The following BABAM2 variants were observed in gnomAD, a reference collection of about 807,000 sequenced individuals.
BABAM2 encodes the protein BRISC and BRCA1 A complex member 2, also known as BRISC and BRCA1-A complex member 2.
BABAM2 carries 31 observed loss-of-function variants against 54.7 expected under a neutral mutation model. The observed-to-expected ratio is 0.57, with a 90% confidence interval of 0.43 to 0.77. The LOEUF is 0.77. Ranked by LOEUF, BABAM2 falls within the 30% of genes least tolerant of loss-of-function variation. The probability of loss-of-function intolerance (pLI) is 0.00; values close to 1 mark genes in which losing one functional copy is unlikely to be tolerated. For missense variants in BABAM2, 364 were observed against 455.8 expected (o/e 0.80, Z 1.83); for synonymous variants, 167 against 162.9 (o/e 1.03, Z -0.19).
chr2:27,974,320 G>A (rs1671434139), intron 3 of BABAM2, among the ~76,000 whole-genome samples: 1 of 151,930 alleles, frequency 6.6e-6, no homozygotes, highest in Non-Finnish European at 1.5e-5. Flanking sequence ...TTAGCAAATT[G>A]AATTTAGCAA....
chr2:28,300,047 T>A (rs1305426629), intron 11 of BABAM2, among the ~76,000 whole-genome samples: 1 of 152,236 alleles, frequency 6.6e-6, no homozygotes, highest in Non-Finnish European at 1.5e-5. Flanking sequence ...CAAGCAATTC[T>A]CCTGCCTCAG....
intron 3 of BABAM2, among the ~76,000 whole-genome samples, chr2:27,930,752 A>C (rs931580683): frequency 4.6e-5 from 7 of 152,104 alleles, no homozygotes; most frequent in Non-Finnish European, 1.0e-4. Context: ...AGCCCTCTAG[A>C]CTGTATCAGC....
At chr2:27,955,981 G>GTTT (rs11390343) in intron 3 of BABAM2, among the ~76,000 whole-genome samples, 1 of 149,538 alleles carries the variant, frequency 6.7e-6, no homozygotes, top group East Asian at 2.0e-4. Flanking sequence ...TTGGCAACAT[G>GTTT]TTTTTTTTTT....
chr2:28,235,241 T>G (rs762404810), intron 7 of BABAM2, among the ~76,000 whole-genome samples: 4 of 152,198 alleles, frequency 2.6e-5, no homozygotes, highest in Non-Finnish European at 5.9e-5. Context: ...AGTGTCACGA[T>G]CTCTGCTCAC....
chr2:28,007,360 C>G (rs1207594897), intron 4 of BABAM2, among the ~76,000 whole-genome samples: 1 of 151,904 alleles, frequency 6.6e-6, no homozygotes, highest in African/African-American at 2.4e-5. Context: ...ATATATCAAC[C>G]TGTGACATGT....
intron 4 of BABAM2, chr2:28,013,282 G>T: frequency 2.2e-6 from 1 of 444,904 alleles, no homozygotes; most frequent in South Asian, 1.6e-5. Context: ...GATAAATTCT[G>T]ATAAGATTCC....
chr2:27,963,848 C>T (rs1470692035), intron 3 of BABAM2, among the ~76,000 whole-genome samples: 1 of 152,180 alleles, frequency 6.6e-6, no homozygotes, highest in African/African-American at 2.4e-5. Context: ...ATATAACATA[C>T]TTGTTCAACT....
At chr2:27,974,480 A>G (rs1415963092) in intron 3 of BABAM2, among the ~76,000 whole-genome samples, 1 of 152,174 alleles carries the variant, frequency 6.6e-6, no homozygotes, top group African/African-American at 2.4e-5. Context: ...AAGTCTCCAT[A>G]TTAACAGACT....
chr2:28,072,102 C>T (rs1170167879), intron 6 of BABAM2, among the ~76,000 whole-genome samples: 1 of 151,388 alleles, frequency 6.6e-6, no homozygotes, highest in Non-Finnish European at 1.5e-5. Context: ...CTCACTATAA[C>T]CTCAAACTCT....
intron 10 of BABAM2, among the ~76,000 whole-genome samples, chr2:28,282,554 C>A (rs1276816043): frequency 6.6e-6 from 1 of 152,128 alleles, no homozygotes; most frequent in East Asian, 1.9e-4. Flanking sequence ...GAATCCTGGC[C>A]CCATCTCCTC....
intron 4 of BABAM2, among the ~76,000 whole-genome samples, chr2:27,991,076 A>G (rs934709486): frequency 6.6e-6 from 1 of 152,164 alleles, no homozygotes; most frequent in Non-Finnish European, 1.5e-5. Flanking sequence ...CTCTCATACA[A>G]TCATTGAGCT....
At chr2:27,931,410 A>G (rs1354295566) in intron 3 of BABAM2, among the ~76,000 whole-genome samples, 1 of 152,150 alleles carries the variant, frequency 6.6e-6, no homozygotes, top group Non-Finnish European at 1.5e-5. Context: ...TGATCTCCAT[A>G]TCTTTAAATA....
intron 7 of BABAM2, among the ~76,000 whole-genome samples, chr2:28,155,045 A>G (rs1240493578): frequency 1.3e-5 from 2 of 152,174 alleles, no homozygotes; most frequent in Non-Finnish European, 2.9e-5. Context: ...CTGTAAACTA[A>G]TACCTTTGCA....
At chr2:28,306,994 CCT>C (rs1688595620) in intron 11 of BABAM2, among the ~76,000 whole-genome samples, 2 of 73,136 alleles carry the variant, frequency 2.7e-5, no homozygotes, top group African/African-American at 5.0e-5. Context: ...CCACACCTGG[CCT>C]TTTTTTTTTT....
intron 10 of BABAM2, among the ~76,000 whole-genome samples, chr2:28,263,223 AATAAT>A (rs1178807421): frequency 6.6e-6 from 1 of 152,074 alleles, no homozygotes; most frequent in East Asian, 1.9e-4. Flanking sequence ...GTTATGCATA[AATAAT>A]ATAATTTATT....
intron 2 of BABAM2, among the ~76,000 whole-genome samples, chr2:27,907,432 A>G (rs2148294433): frequency 6.6e-6 from 1 of 152,180 alleles, no homozygotes; most frequent in East Asian, 1.9e-4. Flanking sequence ...TGAATTTTTC[A>G]TTTAAAAAAC....
chr2:28,072,218 GC>G (rs1274869595), intron 6 of BABAM2, among the ~76,000 whole-genome samples: 1 of 151,978 alleles, frequency 6.6e-6, no homozygotes, highest in Non-Finnish European at 1.5e-5. Flanking sequence ...CTGTCACCAG[GC>G]TGGAGGGCAG....
At chr2:28,214,939 A>G (rs575776003) in intron 7 of BABAM2, among the ~76,000 whole-genome samples, 3 of 152,234 alleles carry the variant, frequency 2.0e-5, no homozygotes, top group East Asian at 1.9e-4. Context: ...ATAAAAGGAG[A>G]AAGATTCCAG....
At chr2:28,085,396 C>G (rs1665549314) in intron 6 of BABAM2, among the ~76,000 whole-genome samples, 1 of 152,176 alleles carries the variant, frequency 6.6e-6, no homozygotes, top group Non-Finnish European at 1.5e-5. Context: ...ATTTATGCAT[C>G]TGACTTCTAT....
Sources: gnomAD v4.1 joint callset for allele counts (sites outside exome capture counted in the v4.1 genomes callset) on GRCh38, gnomAD v4.1.1 for gene constraint, MANE v1.5 for transcripts, NCBI Gene and HGNC (gene_info 2026-07-23, HGNC 2026-07-21) for gene names.